Variants in CHRM2 observed in about 807,000 individuals in gnomAD.
The protein encoded by CHRM2 is muscarinic acetylcholine receptor M2.
CHRM2 carries 8 observed loss-of-function variants against 25.0 expected under a neutral mutation model. The observed-to-expected ratio is 0.32, with a 90% CI of 0.19 to 0.58. The LOEUF is 0.58. Among genes scored for constraint, CHRM2 ranks in the 20% least tolerant of loss-of-function variants. The pLI is 0.88. For synonymous variants in CHRM2, 202 were observed against 205.7 expected (o/e 0.98, Z 0.15); for missense variants, 440 against 567.1 (o/e 0.78, Z 2.28).
At chr7:136,920,166 T>G (rs1356587582) in intron 2 of CHRM2, among the ~76,000 whole-genome samples, 1 of 152,134 alleles carries the variant, frequency 6.6e-6, no homozygotes, top group Non-Finnish European at 1.5e-5. Context: ...TGTGACTGAT[T>G]TTCAGGTTTT....
At chr7:136,942,227 T>TTC (rs1799814516) in intron 2 of CHRM2, among the ~76,000 whole-genome samples, 1 of 152,130 alleles carries the variant, frequency 6.6e-6, no homozygotes, top group Admixed American at 6.6e-5. Context: ...CCACTGTCAT[T>TTC]TCTCTGAAGG....
intron 2 of CHRM2, among the ~76,000 whole-genome samples, chr7:136,980,970 GA>G (rs1191758750): frequency 1.3e-5 from 2 of 152,156 alleles, no homozygotes; most frequent in African/African-American, 4.8e-5. Context: ...ATGAGTTACG[GA>G]GGACTCCCTC....
intron 2 of CHRM2, among the ~76,000 whole-genome samples, chr7:136,889,912 C>A (rs1358395166): frequency 2.6e-5 from 4 of 152,144 alleles, no homozygotes; most frequent in Non-Finnish European, 5.9e-5. Context: ...AAATATAAAG[C>A]ACAGACAGGC....
chr7:136,964,088 A>G (rs1801263134), intron 2 of CHRM2, among the ~76,000 whole-genome samples: 1 of 152,168 alleles, frequency 6.6e-6, no homozygotes, highest in South Asian at 2.1e-4. Context: ...CAAATTCACC[A>G]AAAAGGTTTC....
intron 3 of CHRM2, among the ~76,000 whole-genome samples, chr7:137,005,171 C>T (rs181555725): frequency 1.2e-4 from 18 of 152,090 alleles, no homozygotes; most frequent in Non-Finnish European, 2.5e-4. Context: ...GTCCATTAAG[C>T]TCATACTTAT....
At chr7:136,974,869 G>C (rs1292384759) in intron 2 of CHRM2, among the ~76,000 whole-genome samples, 4 of 152,194 alleles carry the variant, frequency 2.6e-5, no homozygotes, top group African/African-American at 9.6e-5. Context: ...GACCTGTTGG[G>C]TGGCCTTTGA....
intron 2 of CHRM2, among the ~76,000 whole-genome samples, chr7:136,921,604 A>G (rs1044991290): frequency 1.3e-5 from 2 of 151,918 alleles, no homozygotes; most frequent in Non-Finnish European, 2.9e-5. Flanking sequence ...AGATTCTAAG[A>G]TACATCACTG....
At chr7:136,934,932 G>A (rs2130794065) in intron 2 of CHRM2, among the ~76,000 whole-genome samples, 1 of 151,668 alleles carries the variant, frequency 6.6e-6, no homozygotes, top group African/African-American at 2.4e-5. Flanking sequence ...ACTATAAATA[G>A]TAAATATGCA....
intron 2 of CHRM2, among the ~76,000 whole-genome samples, chr7:136,876,386 T>C (rs1190889276): frequency 6.6e-6 from 1 of 152,174 alleles, no homozygotes; most frequent in East Asian, 1.9e-4. Flanking sequence ...CACTTACATT[T>C]GTATTTCTGT....
rs565564294 is a variant in CHRM2 at position 136,927,264 on chromosome 7, G to C, written c.-125+57846G>C. On this transcript the variant is annotated intron_variant, in intron 2 of 3. Coordinates refer to ENST00000680005, the MANE Select transcript of CHRM2 (RefSeq NM_001006630.2). ...AGAGGAATGGGTGGTCCACCAGAAGGCTCTTGGGCCCAGAAACCTAATCTT... is the reference window on the plus strand; with the variant it reads ...AGAGGAATGGGTGGTCCACCAGAAGCCTCTTGGGCCCAGAAACCTAATCTT... Among the ~76,000 whole-genome samples, 17 of 152,226 alleles carry C rather than the reference G, an allele frequency of 1.1e-4. No individual in the cohort carries two copies. The East Asian group carries it at 3.3e-3, about 29-fold the overall frequency.
In CHRM2 at chr7:136,898,618, C is replaced by T. The variant is rs1797032743; in HGVS notation, c.-125+29200C>T. On this transcript the variant is annotated intron_variant, in intron 2 of 3. Transcript: ENST00000680005. The stretch of plus-strand genomic sequence containing the variant: ...ACTAATAGTTCTAGTGATGAATTCA[C>T]TTACAAGGTTAGAGAAAGAAGTTGC... Among the ~76,000 whole-genome samples the T allele has an allele frequency of 3.3e-5, 5 of 151,770 alleles. No individual in the cohort carries two copies. The Admixed American group carries it at 3.3e-4, about 10-fold the overall frequency.
Position 136,953,875 on chromosome 7 carries a change from G to C in CHRM2, c.-124-38312G>C, listed in dbSNP as rs923652049. 2.6e-5 allele frequency among the ~76,000 whole-genome samples: 4 copies of C among 152,126 alleles called. No individual in the cohort carries two copies. In the East Asian group the frequency reaches 7.7e-4, roughly 29 times the overall value. ...CCAGCAACACTAACCATGGAGGCAA[G>C]AAGACTAATCCAAGCAGCACAGCAC... On this transcript the variant is annotated intron_variant, in intron 2 of 3. Transcript: ENST00000680005.
At chr7:136,943,722 T>C (rs1416204656) in intron 2 of CHRM2, among the ~76,000 whole-genome samples, 1 of 152,200 alleles carries the variant, frequency 6.6e-6, no homozygotes, top group African/African-American at 2.4e-5. Context: ...CAAGGCAGTA[T>C]CAATGATTAT....
chr7:136,948,106 T>C (rs556120675), intron 2 of CHRM2, among the ~76,000 whole-genome samples: 1 of 152,274 alleles, frequency 6.6e-6, no homozygotes. Context: ...TCTACAATGC[T>C]TCTGTTCACA....
At chr7:136,930,538 A>AT (rs1239426081) in intron 2 of CHRM2, among the ~76,000 whole-genome samples, 1 of 151,766 alleles carries the variant, frequency 6.6e-6, no homozygotes, top group Non-Finnish European at 1.5e-5. Flanking sequence ...TCTCTAGGAG[A>AT]TTTTTTGCTG....
intron 2 of CHRM2, among the ~76,000 whole-genome samples, chr7:136,979,628 T>C: frequency 6.6e-6 from 1 of 152,202 alleles, no homozygotes; most frequent in East Asian, 1.9e-4. Flanking sequence ...TTGTGTAAGG[T>C]GTAAAGAAGG....
intron 2 of CHRM2, among the ~76,000 whole-genome samples, chr7:136,913,625 A>T (rs182209981): frequency 1.3e-5 from 2 of 151,912 alleles, no homozygotes; most frequent in East Asian, 3.9e-4. Context: ...AAACCTAGTA[A>T]TTTTTTTTGA....
intron 3 of CHRM2, among the ~76,000 whole-genome samples, chr7:136,995,893 A>G (rs1265320740): frequency 6.6e-6 from 1 of 151,976 alleles, no homozygotes; most frequent in African/African-American, 2.4e-5. Flanking sequence ...TAAAACACTA[A>G]TAAGTTGTAC....
intron 2 of CHRM2, among the ~76,000 whole-genome samples, chr7:136,909,654 T>C (rs1319512694): frequency 6.6e-6 from 1 of 151,890 alleles, no homozygotes; most frequent in Non-Finnish European, 1.5e-5. Flanking sequence ...TGCATACACA[T>C]ACACACATAT....
Sources: gnomAD v4.1 joint callset for allele counts (sites outside exome capture counted in the v4.1 genomes callset) on GRCh38, gnomAD v4.1.1 for gene constraint, MANE v1.5 for transcripts, NCBI Gene and HGNC (gene_info 2026-07-23, HGNC 2026-07-21) for gene names.